The following VAT1L variants were observed in gnomAD, a reference collection of about 807,000 sequenced individuals.
The protein encoded by VAT1L is putative NADPH-dependent quinone oxidoreductase VAT1L.
In VAT1L, 34 loss-of-function variants were observed where a neutral mutation model predicts 44.1. The ratio of observed to expected loss-of-function variants is 0.77; its 90% CI spans 0.59 to 1.03. The LOEUF is 1.03. Ranked by LOEUF, VAT1L falls within the 50% of genes least tolerant of loss-of-function variation. The probability of loss-of-function intolerance (pLI) is 0.00; values close to 1 mark genes in which losing one functional copy is unlikely to be tolerated. For synonymous variants in VAT1L, 253 were observed against 202.2 expected, an observed-to-expected ratio of 1.25 and a Z score of -2.13; for missense variants, 615 against 538.8, an observed-to-expected ratio of 1.14 and a Z score of -1.40.
chr16:77,880,755 C>T (rs1015419691), intron 6 of VAT1L, among the ~76,000 whole-genome samples: 3 of 150,792 alleles, frequency 2.0e-5, no homozygotes, highest in Non-Finnish European at 2.9e-5. Flanking sequence ...ACCCCTGCCC[C>T]CCTCCCAGTC....
intron 7 of VAT1L, among the ~76,000 whole-genome samples, chr16:77,961,039 T>C (rs2018154654): frequency 6.6e-6 from 1 of 152,126 alleles, no homozygotes. Flanking sequence ...TTAATGAGTC[T>C]AGCTACACAG....
chr16:77,973,009 G>A (rs1456498131), intron 8 of VAT1L, among the ~76,000 whole-genome samples: 3 of 151,346 alleles, frequency 2.0e-5, no homozygotes, highest in South Asian at 2.1e-4. Context: ...TCTTTCACCA[G>A]AATAAAACCC....
chr16:77,928,846 C>T (rs376306268), intron 7 of VAT1L, among the ~76,000 whole-genome samples: 139 of 152,104 alleles, frequency 9.1e-4, no homozygotes, highest in African/African-American at 3.3e-3. Flanking sequence ...GAGATGGAGT[C>T]TCACTCTGTC....
At chr16:77,923,895 G>A (rs2017638571) in intron 7 of VAT1L, among the ~76,000 whole-genome samples, 3 of 152,184 alleles carry the variant, frequency 2.0e-5, no homozygotes, top group Admixed American at 2.0e-4. Context: ...CATTTGTCAA[G>A]CTGACTGTCT....
chr16:77,906,744 G>A (rs994590188), intron 7 of VAT1L, among the ~76,000 whole-genome samples: 2 of 152,156 alleles, frequency 1.3e-5, no homozygotes, highest in Non-Finnish European at 1.5e-5. Flanking sequence ...GTATTTTAGG[G>A]TTGTGCATGT....
At chr16:77,818,240 G>C (rs769334052) in intron 2 of VAT1L, among the ~76,000 whole-genome samples, 5 of 152,150 alleles carry the variant, frequency 3.3e-5, no homozygotes, top group Non-Finnish European at 7.3e-5. Context: ...CTCAGTCTCA[G>C]CGTGTCTGAG....
chr16:77,840,808 G>T (rs1454770205), intron 3 of VAT1L, among the ~76,000 whole-genome samples: 2 of 152,124 alleles, frequency 1.3e-5, no homozygotes, highest in Non-Finnish European at 2.9e-5. Context: ...GTCTCAGCTT[G>T]CTCATTTGTA....
Position 77,979,548 on chromosome 16 carries a change from G to C in VAT1L, c.*1853G>C, listed in dbSNP as rs2018377340. The C allele has an allele frequency of 1.3e-5, 2 of 152,150 alleles. No individual in the cohort carries two copies. Among genetic ancestry groups the C allele is most frequent in the Admixed American group, 6.5e-5 (1 of 15,272 alleles). The allele number at this position is 152,150 out of a possible 1,614,324, so 9.4% of individuals were successfully genotyped here. ...TTGGGTAGAAATGACATTTTCCAGA[G>C]CTGAAGGAGTGAAGAGCCCTTGGCC... On this transcript the variant is annotated 3_prime_UTR_variant, in exon 9 of 9. Coordinates refer to ENST00000302536, the MANE Select transcript of VAT1L (RefSeq NM_020927.3).
At chr16:77,933,242 G>T (rs1418154621) in intron 7 of VAT1L, among the ~76,000 whole-genome samples, 1 of 152,140 alleles carries the variant, frequency 6.6e-6, no homozygotes, top group African/African-American at 2.4e-5. Context: ...TGTCGCCTAA[G>T]AAAACAATAG....
intron 7 of VAT1L, among the ~76,000 whole-genome samples, chr16:77,908,892 C>G (rs562210836): frequency 6.6e-6 from 1 of 151,606 alleles, no homozygotes; most frequent in Admixed American, 6.6e-5. Context: ...CCAGCCTGGG[C>G]GACAGAGCAA....
At chr16:77,892,476 G>T (rs1374842089) in intron 7 of VAT1L, 1 of 526,016 alleles carries the variant, frequency 1.9e-6, no homozygotes, top group East Asian at 5.0e-5. Context: ...GTGGGCCCTT[G>T]TGTCTCCTTT....
intron 7 of VAT1L, among the ~76,000 whole-genome samples, chr16:77,962,926 A>G (rs1335473626): frequency 3.9e-5 from 6 of 152,142 alleles, no homozygotes; most frequent in Non-Finnish European, 1.5e-5. Context: ...AGCCGGGACA[A>G]TAGATAGTGA....
chr16:77,970,268 G>A lies in VAT1L; in HGVS notation c.1078-1582G>A, dbSNP rs115753484. Reference sequence around the variant, plus strand: ...ATGTGTTGATTCCGATCACTGCCAGGTTGTCCAAAGACTGCATTTAAAAGT... The same window carrying A: ...ATGTGTTGATTCCGATCACTGCCAGATTGTCCAAAGACTGCATTTAAAAGT... On this transcript the variant is annotated intron_variant, in intron 7 of 8. Coordinates refer to ENST00000302536, the MANE Select transcript of VAT1L (RefSeq NM_020927.3). Among the ~76,000 whole-genome samples, 706 of 152,126 alleles carry A rather than the reference G, an allele frequency of 4.6e-3. 9 individuals carry two copies. Among genetic ancestry groups the A allele is most frequent in the African/African-American group, 0.017 (689 of 41,488 alleles).
At chr16:77,798,871 C>T (rs545668166) in intron 1 of VAT1L, among the ~76,000 whole-genome samples, 6 of 152,248 alleles carry the variant, frequency 3.9e-5, no homozygotes, top group African/African-American at 1.4e-4. Flanking sequence ...GAAGGCCACC[C>T]CCTTACTCCC....
intron 1 of VAT1L, among the ~76,000 whole-genome samples, chr16:77,799,386 TTCTC>T (rs2016000305): frequency 6.6e-6 from 1 of 151,946 alleles, no homozygotes; most frequent in African/African-American, 2.4e-5. Context: ...TCTCTCCTCT[TTCTC>T]TCTCTGGCTT....
intron 1 of VAT1L, among the ~76,000 whole-genome samples, chr16:77,806,361 C>G (rs996978214): frequency 1.3e-5 from 2 of 152,120 alleles, no homozygotes; most frequent in African/African-American, 4.8e-5. Context: ...AGGTGCCCAC[C>G]ACCACGCCCG....
intron 2 of VAT1L, among the ~76,000 whole-genome samples, chr16:77,818,808 A>G (rs1477980532): frequency 6.6e-6 from 1 of 152,188 alleles, no homozygotes; most frequent in Admixed American, 6.5e-5. Context: ...AGGGTGTGAT[A>G]TGGGAGAAAA....
At chr16:77,844,567 C>G (rs1327601506) in intron 3 of VAT1L, among the ~76,000 whole-genome samples, 1 of 152,086 alleles carries the variant, frequency 6.6e-6, no homozygotes, top group Non-Finnish European at 1.5e-5. Context: ...CACCACCACG[C>G]CTGGCTACTT....
intron 7 of VAT1L, among the ~76,000 whole-genome samples, chr16:77,960,876 T>C (rs2018153379): frequency 6.6e-6 from 1 of 151,986 alleles, no homozygotes; most frequent in Admixed American, 6.6e-5. Context: ...CTCCTCTGCT[T>C]GCATGGGGTG....
Sources: allele counts gnomAD v4.1 joint callset (sites outside exome capture counted in the v4.1 genomes callset), GRCh38; gene constraint gnomAD v4.1.1; transcripts MANE v1.5; gene names NCBI Gene and HGNC (gene_info 2026-07-23, HGNC 2026-07-21).